CTBP2: variants seen among roughly 807,000 people sequenced by gnomAD.
CTBP2 encodes the protein C-terminal-binding protein 2.
In CTBP2, 30 loss-of-function variants were observed where a neutral mutation model predicts 80.3. That is an observed-to-expected ratio of 0.37 (90% CI 0.28 to 0.51). The LOEUF (loss-of-function observed/expected upper bound fraction) is 0.51. Among genes scored for constraint, CTBP2 ranks in the 20% least tolerant of loss-of-function variants. The pLI, the probability that CTBP2 is intolerant of heterozygous loss-of-function variation, is 0.93. For missense variants in CTBP2, 1,212 were observed against 1,375.3 expected (o/e 0.88, Z 1.88); for synonymous variants, 594 against 587.4 (o/e 1.01, Z -0.16).
chr10:125,149,563 A>C (rs1256051478), intron 1 of CTBP2, among the ~76,000 whole-genome samples: 1 of 152,044 alleles, frequency 6.6e-6, no homozygotes, highest in African/African-American at 2.4e-5. Flanking sequence ...GGCGGGGGGC[A>C]CCCAACATCC....
intron 2 of CTBP2, among the ~76,000 whole-genome samples, chr10:125,064,730 C>T (rs760558531): frequency 3.1e-4 from 47 of 152,346 alleles, no homozygotes; most frequent in South Asian, 6.2e-4. Flanking sequence ...ATTCCCGCCA[C>T]GCCAGTGTCC....
At chr10:125,136,912 G>A (rs1047324789) in intron 1 of CTBP2, among the ~76,000 whole-genome samples, 1 of 152,172 alleles carries the variant, frequency 6.6e-6, no homozygotes, top group Admixed American at 6.5e-5. Flanking sequence ...TGAAAGAGCC[G>A]GGAGCGATTT....
intron 2 of CTBP2, among the ~76,000 whole-genome samples, chr10:125,087,076 T>C (rs1049302119): frequency 1.7e-5 from 1 of 59,382 alleles, no homozygotes; most frequent in Admixed American, 1.8e-4. Context: ...AATTTCTTTC[T>C]TTTTTTTTTT....
chr10:125,120,067 A>G (rs897259712), intron 1 of CTBP2, among the ~76,000 whole-genome samples: 3 of 152,252 alleles, frequency 2.0e-5, no homozygotes, highest in Non-Finnish European at 4.4e-5. Context: ...AGATGTCTCA[A>G]TTCCAATAGC....
intron 1 of CTBP2, among the ~76,000 whole-genome samples, chr10:125,140,263 A>T (rs1212668826): frequency 1.3e-5 from 2 of 151,882 alleles, no homozygotes; most frequent in African/African-American, 4.8e-5. Flanking sequence ...TCTGAGCTCA[A>T]AGGCATCAAA....
intron 1 of CTBP2, among the ~76,000 whole-genome samples, chr10:125,121,701 TCA>T (rs1854349000): frequency 6.6e-6 from 1 of 152,170 alleles, no homozygotes; most frequent in African/African-American, 2.4e-5. Context: ...TAAGAATTAA[TCA>T]CAGTGCCAAA....
intron 2 of CTBP2, among the ~76,000 whole-genome samples, chr10:125,060,649 G>GA (rs1181853696): frequency 1.3e-5 from 2 of 152,234 alleles, no homozygotes; most frequent in Admixed American, 6.5e-5. Context: ...TATGTGCAGG[G>GA]CAGTCATGCG....
chr10:124,989,758 C>G, intron 8 of CTBP2, 60 bp from the exon 11 acceptor site: 3 of 1,467,504 alleles, frequency 2.0e-6, no homozygotes, highest in Non-Finnish European at 1.8e-6. Flanking sequence ...AAGCTCTTGG[C>G]TCTTCTACTT....
At position 124,988,866 on chromosome 10, in the gene CTBP2, C is replaced by T. The variant is rs1376823980; in HGVS notation, c.*652G>A. 3 of 140,916 alleles carry T rather than the reference C, an allele frequency of 2.1e-5. No individual in the cohort carries two copies. The highest frequency in any genetic ancestry group is 8.0e-5 in the African/African-American group (3 of 37,538). 8.7% of individuals were successfully genotyped at this position (140,916 alleles called of 1,614,324 possible). On this transcript the variant is annotated 3_prime_UTR_variant, in exon 9 of 9. Transcript: ENST00000309035. ...AGAAAATATATTTGAGTACAAACAG[C>T]TTGTGAAACTTAATACTTTTTTTTT...
At position 125,027,204 on chromosome 10, in the gene CTBP2, G is replaced by C. The variant is rs375918247; in HGVS notation, c.556C>G (p.Pro186Ala). 8 of 1,609,778 alleles carry C rather than the reference G, an allele frequency of 5.0e-6. No individual in the cohort carries two copies. In the African/African-American group the frequency reaches 9.3e-5, roughly 19 times the overall value. Residue 186 changes from proline to alanine, a missense_variant, in exon 1 of 9, where the codon CCC becomes GCC. Around this residue, in one of 3 missense-constraint regions of CTBP2, gnomAD observed 848 missense variants for 782.3 expected, o/e 1.08. Transcript: ENST00000309035. ...GGCTGCTCCCGTCCATACCGCCCGG[G>C]AGATGCAGCCCTGCTCTGTGTCTGC... is the stretch of plus-strand genomic sequence containing the variant.
intron 2 of CTBP2, among the ~76,000 whole-genome samples, chr10:125,089,719 T>C (rs1437966095): frequency 6.6e-6 from 1 of 152,142 alleles, no homozygotes; most frequent in Non-Finnish European, 1.5e-5. Context: ...ACACATGCAT[T>C]TCCTGCAGAG....
chr10:125,036,147 G>A (rs1057411215), intron 3 of CTBP2, among the ~76,000 whole-genome samples: 3 of 152,152 alleles, frequency 2.0e-5, no homozygotes, highest in African/African-American at 7.2e-5. Context: ...GCAGATTCTG[G>A]GCACACAGAA....
At chr10:125,070,177 C>A (rs918203096) in intron 2 of CTBP2, among the ~76,000 whole-genome samples, 1 of 151,982 alleles carries the variant, frequency 6.6e-6, no homozygotes, top group Admixed American at 6.6e-5. Flanking sequence ...AGGTGAAACC[C>A]GGTCTCTACT....
At chr10:125,069,896 C>T (rs531130104) in intron 2 of CTBP2, among the ~76,000 whole-genome samples, 1 of 70,048 alleles carries the variant, frequency 1.4e-5, no homozygotes, top group African/African-American at 3.8e-5. Flanking sequence ...CTCCCCCCCC[C>T]ACACAAACCC....
intron 2 of CTBP2, among the ~76,000 whole-genome samples, chr10:125,089,288 G>C (rs1252527325): frequency 1.3e-5 from 2 of 152,174 alleles, no homozygotes; most frequent in Non-Finnish European, 2.9e-5. Context: ...TCAACATCTG[G>C]AGATTCTAAA....
At chr10:125,006,555 G>C (rs867160630) in intron 1 of CTBP2, among the ~76,000 whole-genome samples, 1 of 152,232 alleles carries the variant, frequency 6.6e-6, no homozygotes, top group South Asian at 2.1e-4. Context: ...CAGGCTTGCT[G>C]GAGCCTGGGG....
intron 1 of CTBP2, among the ~76,000 whole-genome samples, chr10:125,010,592 T>A (rs1216891680): frequency 6.6e-6 from 1 of 152,160 alleles, no homozygotes; most frequent in African/African-American, 2.4e-5. Context: ...GATCCCCACA[T>A]TCTTCCTGAA....
In CTBP2 at chr10:124,986,931, T is replaced by C. The variant is rs891286862; in HGVS notation, c.*2587A>G. The C allele has an allele frequency of 6.6e-5, 10 of 152,554 alleles. 1 individual carries two copies. Among genetic ancestry groups the C allele is most frequent in the Non-Finnish European group, 1.5e-4 (10 of 68,040 alleles). 9.5% of individuals were successfully genotyped at this position (152,554 alleles called of 1,614,324 possible). A position where few individuals can be genotyped will look rare whatever the true frequency, so the allele number is the denominator to read the frequency against. ...AGCACTTAGCTTCTACTGTGTGTTGTGGTCTGGTGAGTGTTGTTTCCCCTG... is the reference window on the plus strand; with the variant it reads ...AGCACTTAGCTTCTACTGTGTGTTGCGGTCTGGTGAGTGTTGTTTCCCCTG... On this transcript the variant is annotated 3_prime_UTR_variant, in exon 9 of 9. Coordinates refer to ENST00000309035, the MANE Select transcript of CTBP2 (RefSeq NM_022802.3).
Position 124,988,193 on chromosome 10 carries a change from A to G in CTBP2, c.*1325T>C, listed in dbSNP as rs548638522. On this transcript the variant is annotated 3_prime_UTR_variant, in exon 9 of 9. Coordinates refer to ENST00000309035, the MANE Select transcript of CTBP2 (RefSeq NM_022802.3). ...AACTTTTTGTTATCACAGGTAATTA[A>G]TTGTCAGCGGTCTTGAGTCTGGTTA... 1 of 152,758 alleles carries G rather than the reference A, an allele frequency of 6.5e-6. No individual in the cohort carries two copies. The highest frequency in any genetic ancestry group is 6.5e-5 in the Admixed American group (1 of 15,304). The allele number at this position is 152,758 out of a possible 1,614,324, so 9.5% of individuals were successfully genotyped here.
Sources: allele counts gnomAD v4.1 joint callset (sites outside exome capture counted in the v4.1 genomes callset), GRCh38; gene constraint gnomAD v4.1.1; regional missense constraint gnomAD v4.1.1; transcripts MANE v1.5; gene names NCBI Gene and HGNC (gene_info 2026-07-23, HGNC 2026-07-21).